Variants in WWOX observed in about 807,000 individuals in gnomAD.
WWOX encodes WW domain containing oxidoreductase.
Under a neutral mutation model 46.2 loss-of-function variants are expected in WWOX, and 69 were observed. That is an observed-to-expected ratio of 1.49 (90% CI 1.23 to 1.82). The LOEUF is 1.82. WWOX is among the 40% of genes most tolerant of loss of function. WWOX has a pLI of 0.00. For missense variants in WWOX, 919 were observed against 542.6 expected (o/e 1.69, Z -6.89); for synonymous variants, 359 against 202.6 (o/e 1.77, Z -6.56).
chr16:78,547,625 C>G (rs779598897), intron 8 of WWOX, among the ~76,000 whole-genome samples: 4 of 152,130 alleles, frequency 2.6e-5, no homozygotes, highest in Non-Finnish European at 5.9e-5. Flanking sequence ...TCTCATAGTT[C>G]TTGAGGCTGG....
intron 8 of WWOX, among the ~76,000 whole-genome samples, chr16:79,174,996 C>T (rs1024936325): frequency 6.6e-6 from 1 of 152,180 alleles, no homozygotes; most frequent in African/African-American, 2.4e-5. Flanking sequence ...CACGCGTTCT[C>T]TCCCTCAGCA....
At chr16:78,790,361 C>T (rs866579748) in intron 8 of WWOX, among the ~76,000 whole-genome samples, 57 of 152,208 alleles carry the variant, frequency 3.7e-4, no homozygotes, top group African/African-American at 1.3e-3. Context: ...TCTCAAACTC[C>T]TGACATCAAG....
chr16:79,142,849 C>T (rs756417546), intron 8 of WWOX, among the ~76,000 whole-genome samples: 8 of 152,066 alleles, frequency 5.3e-5, no homozygotes, highest in Non-Finnish European at 1.0e-4. Flanking sequence ...CAGGGACACA[C>T]CATCATGCTG....
chr16:79,172,027 C>T (rs2050709458), intron 8 of WWOX, among the ~76,000 whole-genome samples: 1 of 152,152 alleles, frequency 6.6e-6, no homozygotes, highest in Non-Finnish European at 1.5e-5. Context: ...ACACGGAGCT[C>T]CTGCAGAAGC....
chr16:78,525,174 T>TTTTTC (rs1266388444), intron 8 of WWOX: 2 of 135,524 alleles, frequency 1.5e-5, no homozygotes, highest in African/African-American at 5.4e-5. Context: ...CCAAATTTTG[T>TTTTTC]TTTTCTTTTC....
intron 8 of WWOX, among the ~76,000 whole-genome samples, chr16:79,031,774 T>G (rs1453720989): frequency 1.4e-5 from 2 of 143,498 alleles, no homozygotes. Context: ...ATATAATATA[T>G]AGAAAGATAT....
At chr16:78,665,619 G>A (rs1448912554) in intron 8 of WWOX, among the ~76,000 whole-genome samples, 1 of 152,042 alleles carries the variant, frequency 6.6e-6, no homozygotes, top group Non-Finnish European at 1.5e-5. Context: ...CTGTCAGGGT[G>A]GGTCCTAGTG....
At position 79,002,100 on chromosome 16, in the gene WWOX, G is replaced by C. The variant is rs75021962; in HGVS notation, c.1057-209508G>C. Among the ~76,000 whole-genome samples, 121 of 152,024 alleles carry C rather than the reference G, an allele frequency of 8.0e-4. No homozygotes were observed. The East Asian group carries it at 0.022, about 28-fold the overall frequency. On this transcript the variant is annotated intron_variant, in intron 8 of 8. Transcript: ENST00000566780. ...TGGGGATGAAAACAGGGCAGGCAGT[G>C]AAACCTGAATCTCAGCTGGACGATG...
intron 8 of WWOX, among the ~76,000 whole-genome samples, chr16:78,722,670 T>C (rs2048722005): frequency 6.6e-6 from 1 of 151,086 alleles, no homozygotes; most frequent in Admixed American, 6.6e-5. Flanking sequence ...AACTGGAGCA[T>C]GATTTAAAGG....
intron 8 of WWOX, among the ~76,000 whole-genome samples, chr16:78,990,775 C>A (rs1008837155): frequency 6.6e-6 from 1 of 152,170 alleles, no homozygotes; most frequent in Non-Finnish European, 1.5e-5. Context: ...CACAGTCAGA[C>A]CTGCCAGGAT....
intron 8 of WWOX, among the ~76,000 whole-genome samples, chr16:79,018,318 A>G (rs1015948335): frequency 7.2e-5 from 11 of 152,212 alleles, no homozygotes; most frequent in Non-Finnish European, 1.2e-4. Flanking sequence ...TGTTAATTAA[A>G]TACCTACTCA....
chr16:78,762,809 G>A (rs2049826475), intron 8 of WWOX, among the ~76,000 whole-genome samples: 1 of 152,180 alleles, frequency 6.6e-6, no homozygotes. Flanking sequence ...ATCTGTATCT[G>A]TAATATGGGG....
At chr16:78,906,630 G>T (rs60554456) in intron 8 of WWOX, among the ~76,000 whole-genome samples, 3,291 of 152,312 alleles carry the variant, frequency 0.022, 137 homozygotes, top group East Asian at 0.18. Context: ...ATGCCAGTCA[G>T]CTTCAGTGAT....
intron 8 of WWOX, among the ~76,000 whole-genome samples, chr16:78,586,257 A>G (rs2045204499): frequency 6.6e-6 from 1 of 152,160 alleles, no homozygotes; most frequent in South Asian, 2.1e-4. Flanking sequence ...AGATCATGCC[A>G]CTGCATTTCA....
At chr16:78,640,429 G>C (rs1464195586) in intron 8 of WWOX, among the ~76,000 whole-genome samples, 1 of 151,914 alleles carries the variant, frequency 6.6e-6, no homozygotes, top group African/African-American at 2.4e-5. Flanking sequence ...CAAGGTATAG[G>C]CTCACGTCTC....
chr16:78,833,946 G>A (rs1255574156), intron 8 of WWOX, among the ~76,000 whole-genome samples: 2 of 152,230 alleles, frequency 1.3e-5, no homozygotes, highest in East Asian at 3.9e-4. Context: ...GTCTTATTCT[G>A]TGTTGCATCC....
chr16:78,110,993 G>A (rs955253203), intron 3 of WWOX, among the ~76,000 whole-genome samples: 37 of 151,992 alleles, frequency 2.4e-4, no homozygotes, highest in Non-Finnish European at 3.7e-4. Context: ...AATAGAAGTT[G>A]ATTTGAGCAG....
At chr16:79,036,077 T>C (rs748227459) in intron 8 of WWOX, among the ~76,000 whole-genome samples, 3 of 152,222 alleles carry the variant, frequency 2.0e-5, no homozygotes, top group Non-Finnish European at 4.4e-5. Flanking sequence ...TCTTTCTGTT[T>C]TCCTGCTCTC....
chr16:79,182,305 G>A (rs1309019454), intron 8 of WWOX, among the ~76,000 whole-genome samples: 2 of 152,000 alleles, frequency 1.3e-5, no homozygotes, highest in Admixed American at 6.5e-5. Context: ...ATATACCAGC[G>A]CCATGTTGTC....
Sources: gnomAD v4.1 joint callset for allele counts (sites outside exome capture counted in the v4.1 genomes callset) on GRCh38, gnomAD v4.1.1 for gene constraint, MANE v1.5 for transcripts, NCBI Gene and HGNC (gene_info 2026-07-23, HGNC 2026-07-21) for gene names.